Variants in ADGRG6 observed in about 807,000 individuals in gnomAD.
ADGRG6 encodes the protein adhesion G protein-coupled receptor G6.
In ADGRG6, 84 loss-of-function variants were observed where a neutral mutation model predicts 142.4. That is an observed-to-expected ratio of 0.59 (90% CI 0.49 to 0.71). ADGRG6 has a LOEUF of 0.71. ADGRG6 is among the 30% of genes least tolerant of loss of function. The pLI, the probability that ADGRG6 is intolerant of heterozygous loss-of-function variation, is 0.00. For synonymous variants in ADGRG6, 521 were observed against 520.5 expected (o/e 1.00, Z -0.01); for missense variants, 1,367 against 1,466.6 (o/e 0.93, Z 1.11).
chr6:142,338,017 G>T (rs11155240), intron 2 of ADGRG6, among the ~76,000 whole-genome samples: 500 of 35,242 alleles, frequency 0.014, 16 homozygotes, highest in Middle Eastern at 0.077. Flanking sequence ...TTGTATCTTT[G>T]TTTTTTTTTT....
intron 2 of ADGRG6, among the ~76,000 whole-genome samples, chr6:142,345,598 G>A (rs1779861115): frequency 6.6e-6 from 1 of 152,072 alleles, no homozygotes; most frequent in Non-Finnish European, 1.5e-5. Flanking sequence ...TAAATATTAG[G>A]TTCCTTCTCC....
At chr6:142,359,044 TAAAAA>T (rs35958800) in intron 2 of ADGRG6, among the ~76,000 whole-genome samples, 1 of 139,916 alleles carries the variant, frequency 7.1e-6, no homozygotes, top group South Asian at 2.3e-4. Context: ...CCTCTACAAT[TAAAAA>T]AAAAAAAAAT....
intron 2 of ADGRG6, among the ~76,000 whole-genome samples, chr6:142,312,439 A>G (rs1267711432): frequency 6.6e-6 from 1 of 152,100 alleles, no homozygotes; most frequent in African/African-American, 2.4e-5. Flanking sequence ...AGTGATGATT[A>G]TAACCTTTAA....
At chr6:142,403,242 G>A (rs972760009) in intron 13 of ADGRG6, among the ~76,000 whole-genome samples, 1 of 152,066 alleles carries the variant, frequency 6.6e-6, no homozygotes, top group Non-Finnish European at 1.5e-5. Context: ...TGCTGGGGCA[G>A]ATGAAAATGT....
At chr6:142,338,131 C>G (rs567205767) in intron 2 of ADGRG6, among the ~76,000 whole-genome samples, 2 of 147,712 alleles carry the variant, frequency 1.4e-5, no homozygotes, top group Admixed American at 1.4e-4. Context: ...CGCCATTCTC[C>G]TGCCTCAGCC....
intron 2 of ADGRG6, among the ~76,000 whole-genome samples, chr6:142,365,524 A>G (rs1326668483): frequency 6.6e-6 from 1 of 152,220 alleles, no homozygotes; most frequent in Admixed American, 6.6e-5. Flanking sequence ...TAAGAAAATC[A>G]TCTCACAAAT....
chr6:142,414,895 A>G, intron 18 of ADGRG6, 74 bp from the exon 19 acceptor site: 1 of 1,341,692 alleles, frequency 7.5e-7, no homozygotes, highest in Middle Eastern at 1.9e-4. Context: ...GTTAACAGTG[A>G]ACTTTCTAGT....
At chr6:142,416,144 A>C (rs1276530318) in intron 20 of ADGRG6, 80 bp downstream of exon 20, 3 of 1,048,860 alleles carry the variant, frequency 2.9e-6, no homozygotes. Flanking sequence ...ATCTTATTTA[A>C]AAAAAAATAG....
chr6:142,349,156 G>T (rs1780041700), intron 2 of ADGRG6, among the ~76,000 whole-genome samples: 1 of 152,184 alleles, frequency 6.6e-6, no homozygotes, highest in Admixed American at 6.5e-5. Context: ...TTCTTTATGA[G>T]CTTCCTCAGT....
At chr6:142,418,678 T>C (rs532026275) in intron 21 of ADGRG6, among the ~76,000 whole-genome samples, 172 of 152,322 alleles carry the variant, frequency 1.1e-3, no homozygotes, top group African/African-American at 3.9e-3. Context: ...TAATTTACTG[T>C]ATGCCAGAAT....
intron 18 of ADGRG6, 92 bp from the exon 19 acceptor site, chr6:142,414,877 G>A (rs1776278601): frequency 7.0e-6 from 7 of 1,006,952 alleles, no homozygotes; most frequent in Non-Finnish European, 1.0e-5. Context: ...AGAGTAAGCT[G>A]CTCTAATGTT....
intron 2 of ADGRG6, among the ~76,000 whole-genome samples, chr6:142,354,141 AT>A (rs1284477424): frequency 1.3e-5 from 2 of 152,120 alleles, no homozygotes; most frequent in Non-Finnish European, 2.9e-5. Flanking sequence ...ATATTTAAAA[AT>A]AATAAATAAT....
intron 2 of ADGRG6, among the ~76,000 whole-genome samples, chr6:142,338,458 A>G (rs544925409): frequency 1.3e-5 from 2 of 151,074 alleles, no homozygotes; most frequent in African/African-American, 4.8e-5. Context: ...GGCTCTAAAT[A>G]AGAGTTTTAT....
intron 22 of ADGRG6, among the ~76,000 whole-genome samples, chr6:142,435,843 C>T (rs190838754): frequency 4.6e-5 from 7 of 152,178 alleles, no homozygotes; most frequent in South Asian, 4.2e-4. Flanking sequence ...AATAAAATAA[C>T]GGTTGCTGAG....
At chr6:142,395,775 T>A (rs1201286381) in intron 9 of ADGRG6, among the ~76,000 whole-genome samples, 3 of 152,208 alleles carry the variant, frequency 2.0e-5, no homozygotes, top group South Asian at 4.1e-4. Flanking sequence ...TTGGTGAGGC[T>A]TTATAGTCTC....
intron 18 of ADGRG6, among the ~76,000 whole-genome samples, chr6:142,412,763 A>G (rs1035172211): frequency 1.3e-5 from 2 of 152,150 alleles, no homozygotes; most frequent in African/African-American, 4.8e-5. Flanking sequence ...TCTTTCAAAG[A>G]ACACTTATTT....
In ADGRG6 at chr6:142,380,007, G is replaced by C. The variant is rs140461994; in HGVS notation, c.1070-1944G>C. On this transcript the variant is annotated intron_variant, in intron 4 of 24. Transcript: ENST00000367609. Reference sequence around the variant, plus strand: ...ATTTACATTGGTTCAATCTGGAGAAGGGTGGGACAACTCAAAGTAGTGGGG... The same window carrying C: ...ATTTACATTGGTTCAATCTGGAGAACGGTGGGACAACTCAAAGTAGTGGGG... 3.9e-4 allele frequency among the ~76,000 whole-genome samples: 60 copies of C among 152,220 alleles called. No individual in the cohort carries two copies. In the East Asian group the frequency reaches 7.6e-3, roughly 19 times the overall value.
At chr6:142,323,886 A>G (rs1362993166) in intron 2 of ADGRG6, among the ~76,000 whole-genome samples, 1 of 152,048 alleles carries the variant, frequency 6.6e-6, no homozygotes, top group Non-Finnish European at 1.5e-5. Flanking sequence ...TGTATAATGG[A>G]GCTGCCCTAT....
intron 2 of ADGRG6, among the ~76,000 whole-genome samples, chr6:142,320,213 T>C (rs1778445179): frequency 6.6e-6 from 1 of 152,088 alleles, no homozygotes; most frequent in Non-Finnish European, 1.5e-5. Flanking sequence ...AAAAGTATTT[T>C]AATTTTTAGT....
Sources: gnomAD v4.1 joint callset for allele counts (sites outside exome capture counted in the v4.1 genomes callset) on GRCh38, gnomAD v4.1.1 for gene constraint, MANE v1.5 for transcripts, NCBI Gene and HGNC (gene_info 2026-07-23, HGNC 2026-07-21) for gene names.